Variants in CMIP observed in about 807,000 individuals in gnomAD.
The protein encoded by CMIP is C-Maf-inducing protein.
A neutral mutation model predicts 97.3 loss-of-function variants in CMIP; 13 were observed. The observed-to-expected ratio is 0.13, with a 90% CI of 0.09 to 0.21. CMIP has a LOEUF of 0.21. CMIP is among the 10% of genes least tolerant of loss of function. The probability of loss-of-function intolerance (pLI) is 1.00; values close to 1 mark genes in which losing one functional copy is unlikely to be tolerated. For synonymous variants in CMIP, 538 were observed against 436.3 expected (o/e 1.23, Z -2.91); for missense variants, 847 against 1,024.9 (o/e 0.83, Z 2.37).
intron 1 of CMIP, among the ~76,000 whole-genome samples, chr16:81,470,290 ATCCAGGCGCCCCG>A (rs141649242): frequency 0.023 from 3,450 of 152,322 alleles, 47 homozygotes; most frequent in Non-Finnish European, 0.036. Flanking sequence ...GAGGTGCCCC[ATCCAGGCGCCCCG>A]TCCAGGCAGC....
chr16:81,574,176 C>T (rs955767731), intron 1 of CMIP, among the ~76,000 whole-genome samples: 12 of 152,216 alleles, frequency 7.9e-5, no homozygotes, highest in South Asian at 2.1e-4. Context: ...TCTGTTGGGC[C>T]GCGCTAGTCT....
chr16:81,615,328 G>GGT (rs2091898967), intron 2 of CMIP, among the ~76,000 whole-genome samples: 1 of 150,272 alleles, frequency 6.7e-6, no homozygotes, highest in Admixed American at 6.6e-5. Context: ...TGGTGTGTGT[G>GGT]GTGTATGTGT....
At chr16:81,477,479 ATACAGGGCAGGG>A (rs1314102030) in intron 1 of CMIP, among the ~76,000 whole-genome samples, 3 of 152,178 alleles carry the variant, frequency 2.0e-5, no homozygotes, top group African/African-American at 7.2e-5. Flanking sequence ...TAAGGGGTAG[ATACAGGGCAGGG>A]TATGGACTGT....
intron 5 of CMIP, among the ~76,000 whole-genome samples, chr16:81,659,141 C>A (rs1210464507): frequency 3.3e-5 from 5 of 152,220 alleles, no homozygotes; most frequent in African/African-American, 4.8e-5. Flanking sequence ...CTGGGCACCC[C>A]CAATCACTCA....
intron 15 of CMIP, 71 bp from the exon 16 acceptor site, chr16:81,701,589 T>C (rs1907413047): frequency 6.2e-7 from 1 of 1,606,076 alleles, no homozygotes; most frequent in Non-Finnish European, 8.5e-7. Flanking sequence ...ACAAGGCCCT[T>C]GGGGTGCACA....
chr16:81,699,744 A>G lies in CMIP; in HGVS notation c.1698A>G (p.Glu566=). 6.2e-7 allele frequency: 1 copy of G among 1,613,768 alleles called. No individual in the cohort carries two copies. Among genetic ancestry groups the G allele is most frequent in the Non-Finnish European group, 8.5e-7 (1 of 1,179,790 alleles). The part of the protein sequence containing the change: ...KTKKFLLSLA[E]NKLGPCMLLA... ...AAAAATTCCTGCTCTCCCTGGCAGA[A>G]AACAAGCTGGGTCCCTGCATGCTCC... is the stretch of plus-strand genomic sequence containing the variant. The change falls in exon 15 of 21, where the codon GAA becomes GAG. Residue 566 remains glutamate (E), a synonymous_variant. Transcript: ENST00000537098.
At position 81,678,640 on chromosome 16, in the gene CMIP, C is replaced by CT; in HGVS notation, c.1388+12_1388+13insT. The CT allele has an allele frequency of 7.3e-7, 1 of 1,362,396 alleles. No homozygotes were observed. Among genetic ancestry groups the CT allele is most frequent in the Non-Finnish European group, 1.0e-6 (1 of 971,518 alleles). The allele number at this position is 1,362,396 out of a possible 1,614,324, so 84.4% of individuals were successfully genotyped here. A position where few individuals can be genotyped will look rare whatever the true frequency, so the allele number is the denominator to read the frequency against. On this transcript the variant is annotated intron_variant, in intron 10 of 20. Coordinates refer to ENST00000537098, the MANE Select transcript of CMIP (RefSeq NM_198390.3). ...ATCCTCAAGCTGCTGTGAGTGCCCC[C>CT]CCCGCGTGCCCGCCCCCGGGGCCGG...
At chr16:81,688,069 G>A (rs1441161090) in intron 10 of CMIP, among the ~76,000 whole-genome samples, 1 of 152,230 alleles carries the variant, frequency 6.6e-6, no homozygotes, top group Non-Finnish European at 1.5e-5. Context: ...TGCTAATACT[G>A]TTCGGTTGTG....
intron 3 of CMIP, among the ~76,000 whole-genome samples, chr16:81,629,246 G>A (rs1482225805): frequency 2.7e-5 from 4 of 148,302 alleles, no homozygotes; most frequent in African/African-American, 7.4e-5. Flanking sequence ...TGTCTTGCAC[G>A]TCATCAGCAC....
At chr16:81,465,723 G>A (rs1008187125) in intron 1 of CMIP, among the ~76,000 whole-genome samples, 2 of 152,238 alleles carry the variant, frequency 1.3e-5, no homozygotes, top group East Asian at 1.9e-4. Flanking sequence ...TGACTGGGCA[G>A]AGTGACCCAG....
intron 2 of CMIP, among the ~76,000 whole-genome samples, chr16:81,608,783 AACCC>A (rs1185351745): frequency 6.6e-6 from 1 of 152,148 alleles, no homozygotes; most frequent in African/African-American, 2.4e-5. Context: ...CCGAGTCTGA[AACCC>A]CTCATCTAGA....
At chr16:81,663,665 C>T (rs1210774418) in intron 6 of CMIP, among the ~76,000 whole-genome samples, 1 of 152,304 alleles carries the variant, frequency 6.6e-6, no homozygotes, top group East Asian at 1.9e-4. Flanking sequence ...TGGGGTTCTC[C>T]ATTGTAACAA....
chr16:81,483,344 C>G (rs1487213079), intron 1 of CMIP, among the ~76,000 whole-genome samples: 1 of 151,806 alleles, frequency 6.6e-6, no homozygotes, highest in Non-Finnish European at 1.5e-5. Flanking sequence ...TCTAGGAATG[C>G]AAGGAGGTAA....
At chr16:81,522,005 C>G (rs2150808106) in intron 1 of CMIP, among the ~76,000 whole-genome samples, 1 of 152,284 alleles carries the variant, frequency 6.6e-6, no homozygotes, top group South Asian at 2.1e-4. Flanking sequence ...AGCAGGATTT[C>G]AGAGGTGCTG....
chr16:81,450,205 C>G (rs1304394064), intron 1 of CMIP, among the ~76,000 whole-genome samples: 1 of 152,172 alleles, frequency 6.6e-6, no homozygotes, highest in Admixed American at 6.5e-5. Context: ...TTGAAGGTAC[C>G]CAATTGGTGT....
At chr16:81,608,727 C>T (rs964784492) in intron 2 of CMIP, among the ~76,000 whole-genome samples, 16 of 152,076 alleles carry the variant, frequency 1.1e-4, no homozygotes, top group African/African-American at 3.6e-4. Context: ...ATACATAAGA[C>T]ATGTTACATC....
chr16:81,563,432 A>G (rs922631326), intron 1 of CMIP, among the ~76,000 whole-genome samples: 1 of 152,172 alleles, frequency 6.6e-6, no homozygotes, highest in Admixed American at 6.5e-5. Context: ...TAATAGCAAT[A>G]CTTCTTTCCA....
chr16:81,681,409 C>T (rs976394257), intron 10 of CMIP, among the ~76,000 whole-genome samples: 15 of 152,184 alleles, frequency 9.9e-5, no homozygotes, highest in Admixed American at 7.9e-4. Flanking sequence ...CTCACCCGTG[C>T]CACATACTAG....
chr16:81,591,039 A>G (rs1414686911), intron 1 of CMIP, among the ~76,000 whole-genome samples: 4 of 152,270 alleles, frequency 2.6e-5, no homozygotes, highest in Non-Finnish European at 5.9e-5. Context: ...TATGGCCCAC[A>G]AAGCCTGAAG....
Sources: gnomAD v4.1 joint callset for allele counts (sites outside exome capture counted in the v4.1 genomes callset) on GRCh38, gnomAD v4.1.1 for gene constraint, MANE v1.5 for transcripts, NCBI Gene and HGNC (gene_info 2026-07-23, HGNC 2026-07-21) for gene names.